Variants in TOX3 observed in about 807,000 individuals in gnomAD.
TOX3 encodes the protein TOX high mobility group box family member 3.
A neutral mutation model predicts 64.3 loss-of-function variants in TOX3; 22 were observed. The observed-to-expected ratio is 0.34, with a 90% CI of 0.24 to 0.49. The LOEUF (loss-of-function observed/expected upper bound fraction) is 0.49. TOX3 is among the 20% of genes least tolerant of loss of function. The pLI is 0.99. For synonymous variants in TOX3, 291 were observed against 273.6 expected (o/e 1.06, Z -0.63); for missense variants, 661 against 714.4 (o/e 0.93, Z 0.85).
intron 1 of TOX3, among the ~76,000 whole-genome samples, chr16:52,504,466 C>CAAAA (rs71141197): frequency 2.4e-4 from 23 of 93,990 alleles, no homozygotes; most frequent in Non-Finnish European, 3.7e-4. Flanking sequence ...GACTCCGTCT[C>CAAAA]AAAAAAAAAA....
Position 52,439,326 on chromosome 16 carries a change from T to A in TOX3, c.1630A>T (p.Ile544Phe). 6.2e-7 allele frequency: 1 copy of A among 1,612,962 alleles called. No homozygotes were observed. Among genetic ancestry groups the A allele is most frequent in the Non-Finnish European group, 8.5e-7 (1 of 1,179,488 alleles). The change falls in exon 7 of 7, where the codon ATC becomes TTC. Residue 544 changes from isoleucine to phenylalanine, a missense_variant. By Grantham distance (21) the Ile-to-Phe change is conservative (BLOSUM62 0). Coordinates refer to ENST00000219746, the MANE Select transcript of TOX3 (RefSeq NM_001080430.4). ...SPVASQITSP[I>F]PAIGSPQPAS... Reference sequence around the variant, plus strand: ...GGCTGGGGGCTCCCGATGGCAGGGATGGGGGATGTTATCTGAGAGGCGACA... The same window carrying A: ...GGCTGGGGGCTCCCGATGGCAGGGAAGGGGGATGTTATCTGAGAGGCGACA...
At chr16:52,487,810 A>G (rs2151454764) in intron 1 of TOX3, among the ~76,000 whole-genome samples, 1 of 152,336 alleles carries the variant, frequency 6.6e-6, no homozygotes. Context: ...TTTGGTTTTG[A>G]TAAATGTTGA....
chr16:52,477,318 AATATATTAAATAAG>A (rs1319387558), intron 1 of TOX3, among the ~76,000 whole-genome samples: 1 of 152,186 alleles, frequency 6.6e-6, no homozygotes, highest in Non-Finnish European at 1.5e-5. Flanking sequence ...AATATTTTGA[AATATATTAAATAAG>A]AGTGTCCACA....
rs548572318 is a variant in TOX3, at chr16:52,446,752, T to C, written c.679-531A>G. On this transcript the variant is annotated intron_variant, in intron 4 of 6. Transcript: ENST00000219746. ...GCTAATGGCTCTCCAGAAATTCAAATGGAAGTTAGCTCCAATTTCTATACT... is the reference window on the plus strand; with the variant it reads ...GCTAATGGCTCTCCAGAAATTCAAACGGAAGTTAGCTCCAATTTCTATACT... Among the ~76,000 whole-genome samples, 440 of 152,250 alleles carry C rather than the reference T, an allele frequency of 2.9e-3. 5 individuals carry two copies. Among genetic ancestry groups the C allele is most frequent in the South Asian group, 0.028 (135 of 4,820 alleles).
intron 3 of TOX3, among the ~76,000 whole-genome samples, chr16:52,458,069 A>C (rs1416181482): frequency 6.6e-6 from 1 of 152,186 alleles, no homozygotes; most frequent in Non-Finnish European, 1.5e-5. Flanking sequence ...TCCTAAATTA[A>C]AATTTTAAAG....
intron 3 of TOX3, among the ~76,000 whole-genome samples, chr16:52,460,016 CTT>C (rs1256801218): frequency 1.3e-5 from 2 of 152,032 alleles, no homozygotes; most frequent in African/African-American, 4.8e-5. Context: ...ACTTAAGAGT[CTT>C]ATGAATATTT....
chr16:52,447,665 C>T (rs1960202093), intron 4 of TOX3, among the ~76,000 whole-genome samples: 1 of 152,132 alleles, frequency 6.6e-6, no homozygotes, highest in Non-Finnish European at 1.5e-5. Flanking sequence ...TTCAATAATT[C>T]TCTAGAGCCC....
chr16:52,512,062 G>T (rs911179564), intron 1 of TOX3, among the ~76,000 whole-genome samples: 1 of 152,180 alleles, frequency 6.6e-6, no homozygotes, highest in African/African-American at 2.4e-5. Context: ...CCCAGGGTAA[G>T]TCTGAGGAAC....
At position 52,444,221 on chromosome 16, in the gene TOX3, G is replaced by C. The variant is rs1596771772; in HGVS notation, c.987+55C>G. 12 of 1,354,532 alleles carry C rather than the reference G, an allele frequency of 8.9e-6. No individual in the cohort carries two copies. The East Asian group carries it at 3.1e-4, about 35-fold the overall frequency. 83.9% of individuals were successfully genotyped at this position (1,354,532 alleles called of 1,614,324 possible). On this transcript the variant is annotated intron_variant, in intron 6 of 6. Coordinates refer to ENST00000219746, the MANE Select transcript of TOX3 (RefSeq NM_001080430.4). ...ACAAGTATGTTTTCAATGCTTGAGG[G>C]CTGTTTTCCACGCTGTGACTATTTT...
chr16:52,473,366 A>AC (rs1476024827), intron 1 of TOX3, among the ~76,000 whole-genome samples: 1 of 152,108 alleles, frequency 6.6e-6, no homozygotes, highest in East Asian at 1.9e-4. Context: ...TAATCCTAAA[A>AC]AAAAAAAAGA....
intron 1 of TOX3, among the ~76,000 whole-genome samples, chr16:52,513,743 G>C (rs2151473781): frequency 6.6e-6 from 1 of 152,260 alleles, no homozygotes; most frequent in South Asian, 2.1e-4. Context: ...TTTAAAATAA[G>C]GGGATGTTCA....
intron 3 of TOX3, among the ~76,000 whole-genome samples, chr16:52,460,956 T>C (rs770428141): frequency 6.6e-6 from 1 of 152,172 alleles, no homozygotes; most frequent in Non-Finnish European, 1.5e-5. Context: ...TATTGCATGC[T>C]TGCATGAATA....
chr16:52,451,028 G>A (rs985067559), intron 3 of TOX3, among the ~76,000 whole-genome samples: 30 of 152,180 alleles, frequency 2.0e-4, no homozygotes, highest in African/African-American at 7.2e-4. Context: ...AGAAGGCGAA[G>A]CCATTCTTTA....
At position 52,439,682 on chromosome 16, in the gene TOX3, C is replaced by G; in HGVS notation, c.1274G>C (p.Gly425Ala). ...ACTCACTTGGGTGGAGGGTGCTGAG[C>G]CAACCATGGTCGTTCCCATGGAGCT... ...LISSMGTTMV[G>A]SAPSTQVSPS... The change falls in exon 7 of 7, where the codon GGC becomes GCC. Residue 425 changes from glycine (G) to alanine (A), a missense_variant. Physicochemically the swap from Gly to Ala is moderately conservative, Grantham distance 60. Coordinates refer to ENST00000219746, the MANE Select transcript of TOX3 (RefSeq NM_001080430.4). 1 of 1,613,900 alleles carries G rather than the reference C, an allele frequency of 6.2e-7. No individual in the cohort carries two copies. Among genetic ancestry groups the G allele is most frequent in the East Asian group, 2.2e-5 (1 of 44,874 alleles).
intron 1 of TOX3, among the ~76,000 whole-genome samples, chr16:52,473,919 G>A (rs1567324250): frequency 2.0e-5 from 3 of 152,024 alleles, no homozygotes. Flanking sequence ...TGCTAATTAT[G>A]TACATACAAT....
intron 3 of TOX3, among the ~76,000 whole-genome samples, chr16:52,456,202 T>G (rs1162432085): frequency 6.6e-6 from 1 of 152,224 alleles, no homozygotes; most frequent in African/African-American, 2.4e-5. Flanking sequence ...ATGGTATATA[T>G]CTGGTGGGAC....
chr16:52,494,823 G>T (rs1961796426), intron 1 of TOX3, among the ~76,000 whole-genome samples: 1 of 152,186 alleles, frequency 6.6e-6, no homozygotes, highest in Non-Finnish European at 1.5e-5. Flanking sequence ...GAGGAGAGAG[G>T]TTTTTTTCAG....
intron 1 of TOX3, among the ~76,000 whole-genome samples, chr16:52,537,597 A>T (rs1962982132): frequency 6.6e-6 from 1 of 152,146 alleles, no homozygotes; most frequent in Non-Finnish European, 1.5e-5. Context: ...TCTCATTGTG[A>T]CATCAGCACT....
At chr16:52,539,721 T>C (rs1963034263) in intron 1 of TOX3, among the ~76,000 whole-genome samples, 1 of 152,218 alleles carries the variant, frequency 6.6e-6, no homozygotes, top group South Asian at 2.1e-4. Context: ...TCTGTGAGAA[T>C]ATACCACTGA....
Sources: allele counts gnomAD v4.1 joint callset (sites outside exome capture counted in the v4.1 genomes callset), GRCh38; gene constraint gnomAD v4.1.1; transcripts MANE v1.5; gene names NCBI Gene and HGNC (gene_info 2026-07-23, HGNC 2026-07-21).